Variants in YEATS2 observed in about 807,000 individuals in gnomAD.
YEATS2 encodes the protein YEATS domain-containing protein 2.
A neutral mutation model predicts 163.2 loss-of-function variants in YEATS2; 77 were observed. The ratio of observed to expected loss-of-function variants is 0.47; its 90% CI spans 0.39 to 0.57. The LOEUF (loss-of-function observed/expected upper bound fraction) is 0.57. Ranked by LOEUF, YEATS2 falls within the 20% of genes least tolerant of loss-of-function variation. The pLI is 0.00. For synonymous variants in YEATS2, 631 were observed against 645.1 expected (o/e 0.98, Z 0.33); for missense variants, 1,549 against 1,729.8 (o/e 0.90, Z 1.85).
chr3:183,803,828 CT>C (rs3214844), intron 26 of YEATS2, 158 bp from the exon 27 acceptor site: 6,611 of 556,504 alleles, frequency 0.012, no homozygotes, highest in East Asian at 0.016. Flanking sequence ...GGAAGTTCGA[CT>C]TTTTTTTTTA....
chr3:183,746,762 A>G (rs1249413971), intron 8 of YEATS2, among the ~76,000 whole-genome samples: 1 of 145,170 alleles, frequency 6.9e-6, no homozygotes, highest in African/African-American at 2.6e-5. Flanking sequence ...ATTGCTTTTT[A>G]TCTTGTGAAC....
intron 1 of YEATS2, among the ~76,000 whole-genome samples, chr3:183,710,408 G>A (rs1230927169): frequency 6.6e-6 from 1 of 152,218 alleles, no homozygotes; most frequent in Non-Finnish European, 1.5e-5. Flanking sequence ...ACTTGCATGT[G>A]ACATGTGCAC....
At position 183,797,966 on chromosome 3, in the gene YEATS2, C is replaced by T. The variant is rs34839729; in HGVS notation, c.3141C>T (p.Ala1047=). 6.4e-3 allele frequency: 10,308 copies of T among 1,614,098 alleles called. 582 individuals are homozygous for T. In the African/African-American group the frequency reaches 0.12, roughly 19 times the overall value. Residue 1047 remains alanine (A), a synonymous_variant, in exon 22 of 31, where the codon GCC becomes GCT. Transcript: ENST00000305135. ...CCAGTCAGTCCAGTCCGCAGCAGGC[C>T]GTCCTGACGATTCCCAGCCAGCTCA... ...IHSSQSSPQQ[A]VLTIPSQLKP...
chr3:183,807,130 A>G, intron 28 of YEATS2, 38 bp downstream of exon 28: 1 of 1,565,666 alleles, frequency 6.4e-7, no homozygotes, highest in Non-Finnish European at 8.7e-7. Context: ...GCAGCAGACC[A>G]GCTCAGAGCT....
chr3:183,709,160 CA>C (rs927913029), intron 1 of YEATS2, among the ~76,000 whole-genome samples: 21 of 140,504 alleles, frequency 1.5e-4, no homozygotes, highest in Admixed American at 3.6e-4. Flanking sequence ...GACTCTGTCT[CA>C]AAAAAAAAAA....
At chr3:183,724,070 A>ATT (rs1716812121) in intron 5 of YEATS2, among the ~76,000 whole-genome samples, 1 of 152,336 alleles carries the variant, frequency 6.6e-6, no homozygotes, top group African/African-American at 2.4e-5. Context: ...AAAAGGTTAA[A>ATT]AAGAGGGTAA....
Position 183,773,755 on chromosome 3 carries a change from A to G in YEATS2, c.2329A>G (p.Ile777Val). The G allele has an allele frequency of 6.2e-7, 1 of 1,613,444 alleles. No homozygotes were observed. The highest frequency in any genetic ancestry group is 8.5e-7 in the Non-Finnish European group (1 of 1,179,802). Residue 777 changes from isoleucine to valine, a missense_variant, in exon 17 of 31, where the codon ATC becomes GTC. Physicochemically the swap from Ile to Val is conservative, Grantham distance 29. Coordinates refer to ENST00000305135, the MANE Select transcript of YEATS2 (RefSeq NM_018023.5). Reference sequence around the variant, plus strand: ...TTCAGGAAAAGGAAAACTGCTGCTGATCCCTCAAGGAGCCATCCTGCGAGC... The same window carrying G: ...TTCAGGAAAAGGAAAACTGCTGCTGGTCCCTCAAGGAGCCATCCTGCGAGC... ...NPSGKGKLLL[I>V]PQGAILRATN...
rs759855344 is a variant in YEATS2 at position 183,797,921 on chromosome 3, A to G, written c.3098-2A>G. On this transcript the variant is annotated splice_acceptor_variant, in intron 21 of 30. Transcript: ENST00000305135. LOFTEE classifies it high-confidence loss of function. Reference sequence around the variant, plus strand: ...TTGGCTTTATCTTCCAATTTGTTCTAGGACTGTTAAAGATTCACTCCAGTC... The same window carrying G: ...TTGGCTTTATCTTCCAATTTGTTCTGGGACTGTTAAAGATTCACTCCAGTC... The G allele has an allele frequency of 6.2e-7, 1 of 1,613,812 alleles. No homozygotes were observed. Among genetic ancestry groups the G allele is most frequent in the African/African-American group, 1.3e-5 (1 of 74,910 alleles).
At chr3:183,772,240 C>T (rs1722548852) in intron 15 of YEATS2, 65 bp from the exon 16 acceptor site, 1 of 1,598,890 alleles carries the variant, frequency 6.3e-7, no homozygotes, top group South Asian at 1.1e-5. Context: ...TGCTCTCTGC[C>T]AAAACGGTGA....
At chr3:183,715,941 T>C (rs533962718) in intron 2 of YEATS2, among the ~76,000 whole-genome samples, 127 of 152,216 alleles carry the variant, frequency 8.3e-4, no homozygotes, top group African/African-American at 3.0e-3. Flanking sequence ...TTAAAAAAAT[T>C]GCTAACTTTA....
At chr3:183,801,648 G>C in intron 25 of YEATS2, 120 bp downstream of exon 25, 1 of 725,868 alleles carries the variant, frequency 1.4e-6, no homozygotes. Context: ...ACCTTATAAG[G>C]TTTCAGCTAG....
At chr3:183,777,992 G>C (rs1577172455) in intron 19 of YEATS2, among the ~76,000 whole-genome samples, 2 of 151,570 alleles carry the variant, frequency 1.3e-5, no homozygotes, top group East Asian at 3.9e-4. Context: ...CGTGCCTATA[G>C]TCCCAGCTAC....
intron 27 of YEATS2, among the ~76,000 whole-genome samples, chr3:183,805,918 C>T (rs972996566): frequency 2.0e-5 from 3 of 152,096 alleles, no homozygotes; most frequent in Non-Finnish European, 2.9e-5. Flanking sequence ...TCTGACTTCG[C>T]TGTGTAAGCT....
intron 8 of YEATS2, among the ~76,000 whole-genome samples, chr3:183,739,303 T>G (rs935185740): frequency 1.3e-4 from 20 of 150,542 alleles, no homozygotes; most frequent in Non-Finnish European, 3.0e-4. Context: ...ACAAGCATTC[T>G]TATACACCAA....
At chr3:183,807,827 T>G (rs1298981225) in intron 28 of YEATS2, 1 of 544,678 alleles carries the variant, frequency 1.8e-6, no homozygotes, top group Non-Finnish European at 3.3e-6. Context: ...ATTTTAAATA[T>G]CAGCCAGAAA....
intron 1 of YEATS2, among the ~76,000 whole-genome samples, chr3:183,701,044 T>TAC (rs1460171143): frequency 1.4e-5 from 2 of 145,308 alleles, no homozygotes. Flanking sequence ...GGTGTGTGTA[T>TAC]ATATATATGT....
At position 183,756,350 on chromosome 3, in the gene YEATS2, C is replaced by T. The variant is rs78318203; in HGVS notation, c.1391-178C>T. ...GGATGCAGAGCATGAAACATACATCCTCTGCCTCCTTTGTACCTCTGTTGC... is the reference window on the plus strand; with the variant it reads ...GGATGCAGAGCATGAAACATACATCTTCTGCCTCCTTTGTACCTCTGTTGC... On this transcript the variant is annotated intron_variant, in intron 11 of 30. Transcript: ENST00000305135. Among the ~76,000 whole-genome samples the T allele has an allele frequency of 0.012, 1,864 of 152,276 alleles. 67 individuals carry two copies. In the East Asian group the frequency reaches 0.14, roughly 12 times the overall value.
chr3:183,777,327 A>G (rs1723096876), intron 18 of YEATS2, among the ~76,000 whole-genome samples: 1 of 152,202 alleles, frequency 6.6e-6, no homozygotes, highest in Non-Finnish European at 1.5e-5. Context: ...GCTGCTCTGT[A>G]ACTACAGTGC....
At chr3:183,783,922 G>A (rs556022153) in intron 19 of YEATS2, among the ~76,000 whole-genome samples, 5 of 152,128 alleles carry the variant, frequency 3.3e-5, no homozygotes, top group East Asian at 3.9e-4. Context: ...TGGTAGTTCC[G>A]TTTTAAGTTT....
Sources: allele counts gnomAD v4.1 joint callset (sites outside exome capture counted in the v4.1 genomes callset), GRCh38; gene constraint gnomAD v4.1.1; transcripts MANE v1.5; gene names NCBI Gene and HGNC (gene_info 2026-07-23, HGNC 2026-07-21).